Variants in KCNIP1 observed in about 807,000 individuals in gnomAD.
KCNIP1 encodes the protein potassium voltage-gated channel interacting protein 1.
KCNIP1 carries 18 observed loss-of-function variants against 33.0 expected under a neutral mutation model. The ratio of observed to expected loss-of-function variants is 0.55; its 90% CI spans 0.38 to 0.81. The LOEUF (loss-of-function observed/expected upper bound fraction) is 0.81. Ranked by LOEUF, KCNIP1 falls within the 30% of genes least tolerant of loss-of-function variation. The pLI is 0.00. For missense variants in KCNIP1, 238 were observed against 271.6 expected, an observed-to-expected ratio of 0.88 and a Z score of 0.87; for synonymous variants, 93 against 98.3, an observed-to-expected ratio of 0.95 and a Z score of 0.32.
intron 1 of KCNIP1, among the ~76,000 whole-genome samples, chr5:170,622,532 G>A (rs1759642989): frequency 6.7e-6 from 1 of 149,910 alleles, no homozygotes. Flanking sequence ...TGAGGCAAGA[G>A]AATTGCTTGA....
At chr5:170,453,015 A>T (rs1179542128) in intron 1 of KCNIP1, among the ~76,000 whole-genome samples, 2 of 152,252 alleles carry the variant, frequency 1.3e-5, no homozygotes, top group African/African-American at 4.8e-5. Flanking sequence ...TTACTGATTA[A>T]GTATATTTTG....
chr5:170,405,159 G>A (rs748528131), intron 1 of KCNIP1, among the ~76,000 whole-genome samples: 11 of 151,788 alleles, frequency 7.2e-5, no homozygotes, highest in Non-Finnish European at 1.3e-4. Flanking sequence ...GCAAAATTAT[G>A]CTGCTTTACC....
intron 1 of KCNIP1, among the ~76,000 whole-genome samples, chr5:170,685,048 T>C (rs894181495): frequency 5.3e-5 from 8 of 152,156 alleles, no homozygotes; most frequent in African/African-American, 1.7e-4. Context: ...TCCCAGAACA[T>C]ACCTCCTTCA....
rs1491166225 is a variant in KCNIP1, at chr5:170,679,625, CAG to C, written c.62-39132_62-39131del. Among the ~76,000 whole-genome samples the C allele has an allele frequency of 1.4e-3, 131 of 93,790 alleles. 4 individuals are homozygous for C. In the East Asian group the frequency reaches 0.04, roughly 29 times the overall value. The allele number at this position is 93,790 out of a possible 152,430, so 61.5% of individuals were successfully genotyped here. A position where few individuals can be genotyped will look rare whatever the true frequency, so the allele number is the denominator to read the frequency against. ...TTTTGGAAATATTTTATGTATATGA[CAG>C]TGTGTGTGTGTGTGTGTGTGTGTGT... On this transcript the variant is annotated intron_variant, in intron 1 of 7. Coordinates refer to ENST00000328939, the MANE Select transcript of KCNIP1 (RefSeq NM_014592.4).
intron 1 of KCNIP1, among the ~76,000 whole-genome samples, chr5:170,693,040 C>A (rs887727936): frequency 3.3e-5 from 5 of 152,174 alleles, no homozygotes; most frequent in African/African-American, 1.2e-4. Flanking sequence ...GAGAACTGCC[C>A]AAGGTTACAC....
intron 1 of KCNIP1, among the ~76,000 whole-genome samples, chr5:170,606,822 T>A (rs973623969): frequency 2.2e-4 from 33 of 152,236 alleles, no homozygotes; most frequent in African/African-American, 8.0e-4. Context: ...TCATGATGAA[T>A]GCAGCATCCA....
chr5:170,670,910 A>AT (rs1554109772), intron 1 of KCNIP1, among the ~76,000 whole-genome samples: 8 of 131,680 alleles, frequency 6.1e-5, no homozygotes, highest in East Asian at 2.1e-4. Context: ...AACAAAAAAA[A>AT]AAATAAAAAA....
At chr5:170,597,535 T>C (rs1364150233) in intron 1 of KCNIP1, among the ~76,000 whole-genome samples, 1 of 151,910 alleles carries the variant, frequency 6.6e-6, no homozygotes, top group Non-Finnish European at 1.5e-5. Context: ...AGAAATGAGA[T>C]AAATCTGGGA....
At chr5:170,429,391 A>G (rs199586783) in intron 1 of KCNIP1, among the ~76,000 whole-genome samples, 3 of 40,786 alleles carry the variant, frequency 7.4e-5, no homozygotes, top group East Asian at 3.8e-4. Context: ...ATATATATGT[A>G]TATATATATA....
intron 1 of KCNIP1, among the ~76,000 whole-genome samples, chr5:170,432,036 C>CTTTT (rs528593013): frequency 7.4e-4 from 107 of 145,522 alleles, no homozygotes; most frequent in African/African-American, 2.5e-3. Context: ...CTCTCTTTCT[C>CTTTT]TTTTTTTTTT....
chr5:170,361,158 C>T (rs1360693215), intron 1 of KCNIP1, among the ~76,000 whole-genome samples: 4 of 152,224 alleles, frequency 2.6e-5, no homozygotes, highest in South Asian at 2.1e-4. Context: ...GGTGAGGCGG[C>T]GGTTCTTCCC....
chr5:170,492,102 C>T (rs1486680775), intron 1 of KCNIP1, among the ~76,000 whole-genome samples: 4 of 152,190 alleles, frequency 2.6e-5, no homozygotes, highest in African/African-American at 9.6e-5. Flanking sequence ...AGCAGAGGCC[C>T]CACAGGTTAA....
At chr5:170,435,868 C>T (rs1226193487) in intron 1 of KCNIP1, among the ~76,000 whole-genome samples, 2 of 152,118 alleles carry the variant, frequency 1.3e-5, no homozygotes, top group Non-Finnish European at 2.9e-5. Flanking sequence ...ACATCATCTT[C>T]TTGTTTTCAT....
intron 1 of KCNIP1, among the ~76,000 whole-genome samples, chr5:170,707,077 G>C (rs1171689842): frequency 6.6e-6 from 1 of 151,344 alleles, no homozygotes; most frequent in African/African-American, 2.4e-5. Context: ...AAATACACTA[G>C]CTGGTGGCAG....
At chr5:170,517,441 C>T (rs910690992) in intron 1 of KCNIP1, among the ~76,000 whole-genome samples, 4 of 152,070 alleles carry the variant, frequency 2.6e-5, no homozygotes, top group African/African-American at 9.7e-5. Flanking sequence ...TTGATGATGG[C>T]AGAGGTGTTG....
chr5:170,405,631 C>A (rs1406588941), intron 1 of KCNIP1, among the ~76,000 whole-genome samples: 2 of 152,192 alleles, frequency 1.3e-5, no homozygotes, highest in African/African-American at 4.8e-5. Flanking sequence ...ACTGGGCAGA[C>A]CCTTCCTTGG....
rs549110463 is a variant in KCNIP1 at position 170,694,246 on chromosome 5, T to C, written c.62-24512T>C. Among the ~76,000 whole-genome samples the C allele has an allele frequency of 5.3e-5, 8 of 152,332 alleles. No individual in the cohort carries two copies. The South Asian group carries it at 6.2e-4, about 12-fold the overall frequency. On this transcript the variant is annotated intron_variant, in intron 1 of 7. Transcript: ENST00000328939. The stretch of plus-strand genomic sequence containing the variant: ...TTTTGGCTTACAATTTTGAATAATA[T>C]AGCCATCCCATCTTAAAGTAAAAAT...
chr5:170,462,863 T>C (rs1458543869), intron 1 of KCNIP1, among the ~76,000 whole-genome samples: 2 of 152,128 alleles, frequency 1.3e-5, no homozygotes, highest in Non-Finnish European at 2.9e-5. Flanking sequence ...GTGAAGTAAC[T>C]CAGCAATGGA....
intron 1 of KCNIP1, among the ~76,000 whole-genome samples, chr5:170,465,978 T>C: frequency 6.6e-6 from 1 of 152,170 alleles, no homozygotes; most frequent in East Asian, 1.9e-4. Flanking sequence ...ACGATGAATG[T>C]GGTTTGGAAG....
Sources: allele counts gnomAD v4.1 joint callset (sites outside exome capture counted in the v4.1 genomes callset), GRCh38; gene constraint gnomAD v4.1.1; transcripts MANE v1.5; gene names NCBI Gene and HGNC (gene_info 2026-07-23, HGNC 2026-07-21).